APC: variants seen among roughly 807,000 people sequenced by gnomAD.
APC encodes adenomatous polyposis coli protein.
A neutral mutation model predicts 247.0 loss-of-function variants in APC; 72 were observed. The ratio of observed to expected loss-of-function variants is 0.29; its 90% CI spans 0.24 to 0.35. The LOEUF is 0.35. APC is among the 10% of genes least tolerant of loss of function. The pLI is 1.00. For synonymous variants in APC, 1,254 were observed against 1,162.5 expected (o/e 1.08, Z -1.60); for missense variants, 3,400 against 3,360.7 (o/e 1.01, Z -0.29).
In APC at chr5:112,810,136, T is replaced by A. The variant is rs894910946; in HGVS notation, c.835-5359T>A. ...ATTTCTGTTTTTAAGATAGAAAAGA[T>A]GAGGATGTTTGAATGCTGATGGGAA... is the stretch of plus-strand genomic sequence containing the variant. On this transcript the variant is annotated intron_variant, in intron 8 of 15. Transcript: ENST00000257430. 5 of 455,914 alleles carry A rather than the reference T, an allele frequency of 1.1e-5. No homozygotes were observed. The Admixed American group carries it at 1.2e-4, about 11-fold the overall frequency. The allele number at this position is 455,914 out of a possible 1,614,324, so 28.2% of individuals were successfully genotyped here. A position where few individuals can be genotyped will look rare whatever the true frequency, so the allele number is the denominator to read the frequency against.
upstream of APC, among the ~76,000 whole-genome samples, chr5:112,737,497 G>T (rs1752469393): frequency 6.6e-6 from 1 of 152,170 alleles, no homozygotes; most frequent in African/African-American, 2.4e-5. Flanking sequence ...TTGTTTCTCT[G>T]TGCTGCAAAA....
chr5:112,773,808 T>G (rs983796988), intron 4 of APC, among the ~76,000 whole-genome samples: 2 of 151,958 alleles, frequency 1.3e-5, no homozygotes, highest in African/African-American at 4.8e-5. Flanking sequence ...GTCCTACAAA[T>G]AAGAAAAATC....
At chr5:112,731,034 A>G (rs982340869) in intron 1 of APC, among the ~76,000 whole-genome samples, 3 of 151,854 alleles carry the variant, frequency 2.0e-5, no homozygotes, top group Non-Finnish European at 2.9e-5. Context: ...AATATTCTGC[A>G]TTTTCACATA....
chr5:112,727,475 A>G (rs1305896707), intron 1 of APC, among the ~76,000 whole-genome samples: 1 of 152,188 alleles, frequency 6.6e-6, no homozygotes, highest in Non-Finnish European at 1.5e-5. Context: ...TTCAAGTTCT[A>G]AATGCCATTA....
Position 112,817,513 on chromosome 5 carries a change from A to C in APC, c.934-1453A>C, listed in dbSNP as rs138400114. On this transcript the variant is annotated intron_variant, in intron 9 of 15. Coordinates refer to ENST00000257430, the MANE Select transcript of APC (RefSeq NM_000038.6). ...AGTATCCATATTTCTCTAAATGAGAAAACTGAAGCAAAAAAAATTTTAGGC... is the reference window on the plus strand; with the variant it reads ...AGTATCCATATTTCTCTAAATGAGACAACTGAAGCAAAAAAAATTTTAGGC... Among the ~76,000 whole-genome samples the C allele has an allele frequency of 9.9e-4, 151 of 152,322 alleles. 1 individual carries two copies. The East Asian group carries it at 0.026, about 26-fold the overall frequency.
chr5:112,772,763 T>C (rs1258639600), intron 4 of APC, among the ~76,000 whole-genome samples: 1 of 152,180 alleles, frequency 6.6e-6, no homozygotes, highest in Non-Finnish European at 1.5e-5. Flanking sequence ...GTGATCCACC[T>C]GCCTCAGCCT....
intron 5 of APC, among the ~76,000 whole-genome samples, chr5:112,779,248 C>A (rs1366901169): frequency 1.3e-5 from 2 of 152,182 alleles, no homozygotes; most frequent in African/African-American, 4.8e-5. Context: ...AAGAAAAATA[C>A]CAAAGTGTAG....
At chr5:112,805,036 T>C (rs1474411080) in intron 8 of APC, among the ~76,000 whole-genome samples, 2 of 152,008 alleles carry the variant, frequency 1.3e-5, no homozygotes, top group African/African-American at 2.4e-5. Context: ...AGCAAGTAAG[T>C]ATGATCTCAT....
chr5:112,758,194 G>C (rs113696718), intron 2 of APC, among the ~76,000 whole-genome samples: 358 of 152,238 alleles, frequency 2.4e-3, no homozygotes, highest in Non-Finnish European at 3.6e-3. Context: ...GAGATTACAT[G>C]GAATTTAGAT....
At chr5:112,835,594 A>G (rs1161955013) in intron 15 of APC, among the ~76,000 whole-genome samples, 1 of 143,696 alleles carries the variant, frequency 7.0e-6, no homozygotes, top group Non-Finnish European at 1.5e-5. Context: ...TTTTTTTGAG[A>G]CAGGGTCTCA....
chr5:112,790,665 A>G (rs1262985542), intron 6 of APC, among the ~76,000 whole-genome samples: 2 of 152,156 alleles, frequency 1.3e-5, no homozygotes, highest in South Asian at 4.1e-4. Flanking sequence ...TTTGTTTATC[A>G]TAAGACTGGA....
At chr5:112,826,953 A>G (rs1295033171) in intron 11 of APC, among the ~76,000 whole-genome samples, 155 bp from the exon 12 acceptor site, 1 of 152,226 alleles carries the variant, frequency 6.6e-6, no homozygotes, top group South Asian at 2.1e-4. Flanking sequence ...GAAGTTCTTT[A>G]TAACAGTTTT....
chr5:112,737,437 A>G (rs1208634638), upstream of APC, among the ~76,000 whole-genome samples: 1 of 152,220 alleles, frequency 6.6e-6, no homozygotes, highest in Non-Finnish European at 1.5e-5. Flanking sequence ...CACTCTGACA[A>G]CTCAGTGACT....
Position 112,844,753 on chromosome 5 carries a change from T to C in APC, c.*627T>C, listed in dbSNP as rs994418333. 1 of 231,840 alleles carries C rather than the reference T, an allele frequency of 4.3e-6. No homozygotes were observed. The highest frequency in any genetic ancestry group is 2.2e-5 in the African/African-American group (1 of 45,284). 14.4% of individuals were successfully genotyped at this position (231,840 alleles called of 1,614,324 possible). A position where few individuals can be genotyped will look rare whatever the true frequency, so the allele number is the denominator to read the frequency against. ...CTACAGTGTAATAATTTACACTATT[T>C]TGTGCTCCAAACAAAACAAAAATCT... On this transcript the variant is annotated 3_prime_UTR_variant, in exon 16 of 16. Transcript: ENST00000257430.
rs2149840516 is a variant in APC at position 112,834,929 on chromosome 5, C to G, written c.1744-22C>G. On this transcript the variant is annotated intron_variant, in intron 14 of 15. Transcript: ENST00000257430. ...ACAAATTCCAACTCTAATTAGATGA[C>G]CCATATTCTGTTTCTTACTAGGAAT... The G allele has an allele frequency of 6.3e-7, 1 of 1,597,984 alleles. No individual in the cohort carries two copies. Among genetic ancestry groups the G allele is most frequent in the Non-Finnish European group, 8.6e-7 (1 of 1,165,486 alleles).
upstream of APC, among the ~76,000 whole-genome samples, chr5:112,733,149 G>A (rs904347221): frequency 6.6e-6 from 1 of 152,192 alleles, no homozygotes; most frequent in Non-Finnish European, 1.5e-5. Context: ...GAAACTATAA[G>A]TTTTAGAAAG....
chr5:112,719,446 C>T (rs1363584444), intron 1 of APC, among the ~76,000 whole-genome samples: 1 of 151,172 alleles, frequency 6.6e-6, no homozygotes, highest in Non-Finnish European at 1.5e-5. Flanking sequence ...TTGTCTGGAA[C>T]TCCTGACCTC....
chr5:112,815,598 C>A lies in APC; in HGVS notation c.933+5C>A, dbSNP rs573528468. ...ACAAGTCATCTGGGAACCAAGGTAA[C>A]AGAAGATTACAAACCCTGGTCACTA... On this transcript the variant is annotated splice_donor_5th_base_variant and intron_variant, in intron 9 of 15. Coordinates refer to ENST00000257430, the MANE Select transcript of APC (RefSeq NM_000038.6). 8.1e-6 allele frequency: 13 copies of A among 1,605,718 alleles called. No homozygotes were observed. The highest frequency in any genetic ancestry group is 1.0e-5 in the Non-Finnish European group (12 of 1,173,834).
At chr5:112,754,772 T>A in intron 1 of APC, 101 bp from the exon 2 acceptor site, 1 of 1,113,770 alleles carries the variant, frequency 9.0e-7, no homozygotes, top group Non-Finnish European at 1.3e-6. Flanking sequence ...CAATTCTTCT[T>A]AAACGTCTTA....
Sources: allele counts gnomAD v4.1 joint callset (sites outside exome capture counted in the v4.1 genomes callset), GRCh38; gene constraint gnomAD v4.1.1; transcripts MANE v1.5; gene names NCBI Gene and HGNC (gene_info 2026-07-23, HGNC 2026-07-21).